The following TMEM132D variants were observed in gnomAD, a reference collection of about 807,000 sequenced individuals.
The protein encoded by TMEM132D is mature OL transmembrane protein.
In TMEM132D, 21 loss-of-function variants were observed where a neutral mutation model predicts 62.3. The observed-to-expected ratio is 0.34, with a 90% CI of 0.24 to 0.49. TMEM132D has a LOEUF of 0.49. Ranked by LOEUF, TMEM132D falls within the 20% of genes least tolerant of loss-of-function variation. The pLI, the probability that TMEM132D is intolerant of heterozygous loss-of-function variation, is 0.99. For synonymous variants in TMEM132D, 621 were observed against 575.6 expected (o/e 1.08, Z -1.13); for missense variants, 1,346 against 1,402.8 (o/e 0.96, Z 0.65).
intron 2 of TMEM132D, among the ~76,000 whole-genome samples, chr12:129,690,091 G>A (rs925708179): frequency 9.9e-5 from 15 of 152,124 alleles, no homozygotes; most frequent in Admixed American, 2.0e-4. Context: ...GAGGGTAAAC[G>A]GGAAAACTCA....
intron 2 of TMEM132D, among the ~76,000 whole-genome samples, chr12:129,569,957 G>C (rs1272183970): frequency 1.3e-5 from 2 of 152,206 alleles, no homozygotes; most frequent in Non-Finnish European, 2.9e-5. Flanking sequence ...CAGTGGGTGT[G>C]TGATTTTTGC....
Position 129,379,034 on chromosome 12 carries a change from T to G in TMEM132D, c.1116-41217A>C, listed in dbSNP as rs147706397. On this transcript the variant is annotated intron_variant, in intron 3 of 8. Transcript: ENST00000422113. ...CTTTTAATTCATCAATGGATTAACT[T>G]TAATGAACCTGATTATGGGTAATAA... Among the ~76,000 whole-genome samples the G allele has an allele frequency of 5.2e-3, 789 of 152,270 alleles. 5 individuals carry two copies. Among genetic ancestry groups the G allele is most frequent in the Admixed American group, 8.9e-3 (136 of 15,310 alleles).
At chr12:129,220,605 C>T (rs1004507659) in intron 4 of TMEM132D, among the ~76,000 whole-genome samples, 2 of 152,162 alleles carry the variant, frequency 1.3e-5, no homozygotes, top group African/African-American at 4.8e-5. Context: ...TGTTATAGTA[C>T]AGAAACTCAT....
chr12:129,560,052 A>G (rs569462273), intron 2 of TMEM132D, among the ~76,000 whole-genome samples: 2 of 152,298 alleles, frequency 1.3e-5, no homozygotes, highest in Middle Eastern at 3.4e-3. Flanking sequence ...TTTTAATTCA[A>G]TGTGAAAAGT....
intron 2 of TMEM132D, among the ~76,000 whole-genome samples, chr12:129,584,096 T>C (rs769308269): frequency 1.3e-5 from 2 of 152,192 alleles, no homozygotes; most frequent in African/African-American, 2.4e-5. Flanking sequence ...GGCTAATAAA[T>C]AGTTGGTCAC....
At chr12:129,181,346 T>C (rs1440373420) in intron 5 of TMEM132D, among the ~76,000 whole-genome samples, 1 of 152,198 alleles carries the variant, frequency 6.6e-6, no homozygotes, top group Non-Finnish European at 1.5e-5. Context: ...CCATCTCTAC[T>C]TTATCAACTC....
chr12:129,167,944 G>A (rs1215332857), intron 5 of TMEM132D, among the ~76,000 whole-genome samples: 1 of 151,922 alleles, frequency 6.6e-6, no homozygotes, highest in African/African-American at 2.4e-5. Context: ...AATGGTTGGA[G>A]GGAAGCTTTT....
intron 2 of TMEM132D, among the ~76,000 whole-genome samples, chr12:129,580,780 T>C (rs1184751192): frequency 6.6e-6 from 1 of 152,140 alleles, no homozygotes; most frequent in Non-Finnish European, 1.5e-5. Context: ...CTGACCTTTA[T>C]CCTGTTAGTG....
intron 2 of TMEM132D, 32 bp downstream of exon 2, chr12:129,699,778 C>A (rs767857649): frequency 2.0e-5 from 32 of 1,604,124 alleles, no homozygotes; most frequent in Non-Finnish European, 2.5e-5. Context: ...GATCGACGGG[C>A]GGGTACAGAC....
rs1050156478 is a variant in TMEM132D at position 129,072,811 on chromosome 12, T to A, written c.*1064A>T. 1 of 152,218 alleles carries A rather than the reference T, an allele frequency of 6.6e-6. No homozygotes were observed. Among genetic ancestry groups the A allele is most frequent in the African/African-American group, 2.4e-5 (1 of 41,442 alleles). The allele number at this position is 152,218 out of a possible 1,614,324, so 9.4% of individuals were successfully genotyped here. A position where few individuals can be genotyped will look rare whatever the true frequency, so the allele number is the denominator to read the frequency against. ...ATCCCAAGTGGCCCTGTTTTCTTTC[T>A]AGTAAAGCAAGGGAATGTATATCCC... On this transcript the variant is annotated 3_prime_UTR_variant, in exon 9 of 9. Coordinates refer to ENST00000422113, the MANE Select transcript of TMEM132D (RefSeq NM_133448.3).
chr12:129,620,526 G>A (rs1285640856), intron 2 of TMEM132D, among the ~76,000 whole-genome samples: 2 of 152,182 alleles, frequency 1.3e-5, no homozygotes, highest in African/African-American at 4.8e-5. Flanking sequence ...TTGAACCCGG[G>A]AGGCGGAGGT....
chr12:129,803,717 C>T (rs1312853487), intron 1 of TMEM132D, among the ~76,000 whole-genome samples: 1 of 151,526 alleles, frequency 6.6e-6, no homozygotes, highest in Admixed American at 6.6e-5. Flanking sequence ...AAGAGAGACA[C>T]AAAAAACCCT....
chr12:129,474,949 C>T (rs1024849079), intron 3 of TMEM132D, among the ~76,000 whole-genome samples: 3 of 152,202 alleles, frequency 2.0e-5, no homozygotes, highest in Non-Finnish European at 4.4e-5. Context: ...ATAATCCACT[C>T]ACTCTGAATA....
At chr12:129,331,933 G>A (rs139573196) in intron 4 of TMEM132D, among the ~76,000 whole-genome samples, 1 of 152,162 alleles carries the variant, frequency 6.6e-6, no homozygotes, top group Admixed American at 6.5e-5. Context: ...ACACCAGGCC[G>A]GGTGCAATGG....
intron 2 of TMEM132D, among the ~76,000 whole-genome samples, chr12:129,586,448 G>C (rs1022720381): frequency 6.6e-6 from 1 of 152,170 alleles, no homozygotes; most frequent in Non-Finnish European, 1.5e-5. Flanking sequence ...TCCCAGACTG[G>C]GTGGCTTACA....
intron 5 of TMEM132D, among the ~76,000 whole-genome samples, chr12:129,198,685 A>G (rs771214953): frequency 3.9e-5 from 6 of 152,222 alleles, no homozygotes; most frequent in Non-Finnish European, 7.3e-5. Flanking sequence ...AGTTAGCCAG[A>G]AAGAATAAGT....
intron 1 of TMEM132D, among the ~76,000 whole-genome samples, chr12:129,736,253 ACTT>A: frequency 6.6e-6 from 1 of 152,330 alleles, no homozygotes; most frequent in South Asian, 2.1e-4. Context: ...ACAGTGTGAT[ACTT>A]CTTTTTTATG....
intron 2 of TMEM132D, chr12:129,683,043 T>C (rs1458078044): frequency 1.3e-5 from 2 of 151,872 alleles, no homozygotes; most frequent in Non-Finnish European, 2.9e-5. Context: ...CTTTATTCAC[T>C]GGTAATCCCC....
At chr12:129,620,136 C>A (rs1052698676) in intron 2 of TMEM132D, among the ~76,000 whole-genome samples, 1 of 152,222 alleles carries the variant, frequency 6.6e-6, no homozygotes, top group African/African-American at 2.4e-5. Context: ...AGTCCAAAAG[C>A]AGGCTGAAGC....
Sources: gnomAD v4.1 joint callset for allele counts (sites outside exome capture counted in the v4.1 genomes callset) on GRCh38, gnomAD v4.1.1 for gene constraint, MANE v1.5 for transcripts, NCBI Gene and HGNC (gene_info 2026-07-23, HGNC 2026-07-21) for gene names.